The following TRAP1 variants were observed in gnomAD, a reference collection of about 807,000 sequenced individuals.
The protein encoded by TRAP1 is TNF receptor associated protein 1, also known as heat shock protein 75 kDa, mitochondrial.
TRAP1 carries 102 observed loss-of-function variants against 89.1 expected under a neutral mutation model. The observed-to-expected ratio is 1.15, with a 90% CI of 0.98 to 1.35. TRAP1 has a LOEUF of 1.35. Among genes scored for constraint, TRAP1 ranks in the 40% most tolerant of loss-of-function variants. The pLI is 0.00. For synonymous variants in TRAP1, 508 were observed against 388.0 expected (o/e 1.31, Z -3.64); for missense variants, 1,256 against 945.3 (o/e 1.33, Z -4.31).
Position 3,695,319 on chromosome 16 carries a change from A to G in TRAP1, c.89-4334T>C, listed in dbSNP as rs544432613. 2.1e-4 allele frequency among the ~76,000 whole-genome samples: 32 copies of G among 152,226 alleles called. No individual in the cohort carries two copies. In the South Asian group the frequency reaches 6.5e-3, roughly 31 times the overall value. On this transcript the variant is annotated intron_variant, in intron 1 of 17. Transcript: ENST00000246957. ...AGCTGAGGGAACATGACACTTCCAC[A>G]TACATCTTTTCGTATGTCTCTCTTA...
intron 5 of TRAP1, 63 bp from the exon 6 acceptor site, chr16:3,677,721 C>G: frequency 6.4e-7 from 1 of 1,560,434 alleles, no homozygotes; most frequent in Admixed American, 1.8e-5. Context: ...CTCCCAACAC[C>G]GTGGCTCTTC....
chr16:3,667,289 A>T lies in TRAP1; in HGVS notation c.1236-1171T>A, dbSNP rs527968051. 4.6e-5 allele frequency among the ~76,000 whole-genome samples: 7 copies of T among 152,206 alleles called. 1 individual carries two copies. The South Asian group carries it at 1.5e-3, about 32-fold the overall frequency. On this transcript the variant is annotated intron_variant, in intron 11 of 17. Coordinates refer to ENST00000246957, the MANE Select transcript of TRAP1 (RefSeq NM_016292.3). ...CAGAAGAGGGCAGTGGCAATGGTAGATTGGTTACATGGAGGGGGATTGGTC... is the reference window on the plus strand; with the variant it reads ...CAGAAGAGGGCAGTGGCAATGGTAGTTTGGTTACATGGAGGGGGATTGGTC...
At chr16:3,658,770 T>A in intron 17 of TRAP1, 23 bp downstream of exon 17, 1 of 1,608,930 alleles carries the variant, frequency 6.2e-7, no homozygotes, top group Non-Finnish European at 8.5e-7. Context: ...GTCCCTGCAG[T>A]CATCCTAAGC....
chr16:3,677,879 C>A, intron 5 of TRAP1: 1 of 539,934 alleles, frequency 1.9e-6, no homozygotes, highest in Non-Finnish European at 3.3e-6. Context: ...AGTGTGTTTT[C>A]CATTTGATTC....
intron 1 of TRAP1, among the ~76,000 whole-genome samples, chr16:3,715,156 G>C (rs1025400808): frequency 6.6e-6 from 1 of 152,172 alleles, no homozygotes; most frequent in African/African-American, 2.4e-5. Context: ...AAGAGATAAA[G>C]GGCTGGGCAC....
chr16:3,682,937 G>A (rs956449222), intron 4 of TRAP1, among the ~76,000 whole-genome samples: 1 of 152,066 alleles, frequency 6.6e-6, no homozygotes, highest in East Asian at 1.9e-4. Context: ...GGGAGGCCGA[G>A]GCAGGCAGAT....
At chr16:3,714,325 A>G (rs1291375184) in intron 1 of TRAP1, among the ~76,000 whole-genome samples, 1 of 152,222 alleles carries the variant, frequency 6.6e-6, no homozygotes, top group African/African-American at 2.4e-5. Context: ...TGACAAATAT[A>G]AAGTCCACAA....
chr16:3,665,779 G>GT (rs2050817255), intron 12 of TRAP1, among the ~76,000 whole-genome samples, 192 bp downstream of exon 12: 1 of 152,220 alleles, frequency 6.6e-6, no homozygotes, highest in Non-Finnish European at 1.5e-5. Flanking sequence ...TGGTGGGAGG[G>GT]TAAGGATGTG....
intron 5 of TRAP1, among the ~76,000 whole-genome samples, chr16:3,679,475 G>A (rs945862319): frequency 6.6e-6 from 1 of 151,952 alleles, no homozygotes; most frequent in Non-Finnish European, 1.5e-5. Context: ...ATTTAATCCG[G>A]GACTGGAGCA....
rs2051050097 is a variant in TRAP1 at position 3,679,760 on chromosome 16, G to C, written c.502C>G (p.Leu168Val). The change falls in exon 5 of 18, where the codon CTG (leucine) becomes GTG (valine). Residue 168 changes from leucine (L) to valine (V), a missense_variant. Physicochemically the swap from Leu to Val is conservative, Grantham distance 32. Coordinates refer to ENST00000246957, the MANE Select transcript of TRAP1 (RefSeq NM_016292.3). The part of the protein sequence containing the change: ...DTGIGMTQEE[L>V]VSNLGTIARS... ...GCAATCGTCCCCAGGTTGGACACCA[G>C]CTCTTCCTGTGTCATCCCGATACCA... The C allele has an allele frequency of 1.9e-6, 3 of 1,613,990 alleles. No homozygotes were observed. Among genetic ancestry groups the C allele is most frequent in the Non-Finnish European group, 2.5e-6 (3 of 1,180,012 alleles).
chr16:3,662,375 G>GA, intron 15 of TRAP1: 1 of 591,236 alleles, frequency 1.7e-6, no homozygotes. Flanking sequence ...CTGCCTCCAG[G>GA]AGCTGCCCGA....
intron 5 of TRAP1, among the ~76,000 whole-genome samples, chr16:3,678,825 G>A (rs1319631362): frequency 2.6e-5 from 4 of 152,154 alleles, no homozygotes; most frequent in African/African-American, 4.8e-5. Flanking sequence ...GGAAAAGGGC[G>A]ACCGCTGGAG....
intron 16 of TRAP1, chr16:3,659,576 A>ATGAATATTATAATTTTTC (rs1332564208): frequency 6.6e-6 from 1 of 152,176 alleles, no homozygotes; most frequent in Non-Finnish European, 1.5e-5. Flanking sequence ...TAACCTTAAC[A>ATGAATATTATAATTTTTC]TGAATATTAT....
chr16:3,714,000 C>A (rs547835986), intron 1 of TRAP1, among the ~76,000 whole-genome samples: 26 of 152,374 alleles, frequency 1.7e-4, no homozygotes, highest in African/African-American at 3.8e-4. Context: ...TGCACACTCC[C>A]GCAAGTCTTT....
chr16:3,714,357 TCA>T (rs2051569883), intron 1 of TRAP1, among the ~76,000 whole-genome samples: 1 of 152,154 alleles, frequency 6.6e-6, no homozygotes. Context: ...AGCCCACCCC[TCA>T]CAGAAATATT....
intron 2 of TRAP1, among the ~76,000 whole-genome samples, chr16:3,689,383 T>C (rs940048968): frequency 1.3e-5 from 2 of 152,072 alleles, no homozygotes; most frequent in Admixed American, 1.3e-4. Context: ...TAGCTGGGAC[T>C]ACAGGTGCCT....
chr16:3,716,206 G>T (rs950370905), intron 1 of TRAP1, among the ~76,000 whole-genome samples: 1 of 152,164 alleles, frequency 6.6e-6, no homozygotes, highest in Non-Finnish European at 1.5e-5. Flanking sequence ...ATTCAGCGTT[G>T]AAGAAAATAC....
At chr16:3,704,338 T>G (rs530793728) in intron 1 of TRAP1, 1 of 152,168 alleles carries the variant, frequency 6.6e-6, no homozygotes, top group Non-Finnish European at 1.5e-5. Context: ...CACGACTCTG[T>G]CTCAAAACAA....
chr16:3,704,965 C>T (rs2051420380), intron 1 of TRAP1, among the ~76,000 whole-genome samples: 1 of 152,014 alleles, frequency 6.6e-6, no homozygotes, highest in African/African-American at 2.4e-5. Context: ...GATTTAGTAA[C>T]TTTATTGAGA....
Sources: allele counts gnomAD v4.1 joint callset (sites outside exome capture counted in the v4.1 genomes callset), GRCh38; gene constraint gnomAD v4.1.1; transcripts MANE v1.5; gene names NCBI Gene and HGNC (gene_info 2026-07-23, HGNC 2026-07-21).